BRAF: variants seen among roughly 807,000 people sequenced by gnomAD.
BRAF encodes serine/threonine-protein kinase B-raf.
In BRAF, 16 loss-of-function variants were observed where a neutral mutation model predicts 104.6. The ratio of observed to expected loss-of-function variants is 0.15; its 90% CI spans 0.10 to 0.23. BRAF has a LOEUF of 0.23. BRAF is among the 10% of genes least tolerant of loss of function. BRAF has a pLI of 1.00. For synonymous variants in BRAF, 310 were observed against 341.6 expected (o/e 0.91, Z 1.02); for missense variants, 541 against 937.3 (o/e 0.58, Z 5.52).
At chr7:140,727,443 C>CA (rs889572691) in intron 19 of BRAF, among the ~76,000 whole-genome samples, 2 of 152,118 alleles carry the variant, frequency 1.3e-5, no homozygotes, top group African/African-American at 2.4e-5. Context: ...CTCGGCCTCC[C>CA]AAAGTGCTGG....
intron 17 of BRAF, chr7:140,740,266 T>G: frequency 4.3e-6 from 1 of 232,328 alleles, no homozygotes; most frequent in Non-Finnish European, 8.4e-6. Context: ...GTGCCTCTTC[T>G]TTACTTTAAA....
intron 2 of BRAF, among the ~76,000 whole-genome samples, chr7:140,845,393 G>A (rs1019727984): frequency 1.3e-5 from 2 of 152,014 alleles, no homozygotes; most frequent in African/African-American, 4.8e-5. Flanking sequence ...TATAAGCAGA[G>A]TAAAAAGGGA....
Position 140,783,135 on chromosome 7 carries a change from A to T in BRAF, c.1320T>A (p.Ala440=), listed in dbSNP as rs1801040619. The change falls in exon 11 of 20, where the codon GCT becomes GCA. Residue 440 remains alanine (A), a synonymous_variant. Transcript: ENST00000644969. Reference sequence around the variant, plus strand: ...AGCCAGGTAATGAGGCAGGGGGGGTAGCAGACAAACCTGTGGTTGATCCTA... The same window carrying T: ...AGCCAGGTAATGAGGCAGGGGGGGTTGCAGACAAACCTGTGGTTGATCCTA... ...VFRGSTTGLS[A]TPPASLPGSL... is the part of the protein sequence containing the mutation. The T allele has an allele frequency of 6.2e-7, 1 of 1,614,102 alleles. No individual in the cohort carries two copies. Among genetic ancestry groups the T allele is most frequent in the Non-Finnish European group, 8.5e-7 (1 of 1,179,994 alleles).
intron 2 of BRAF, among the ~76,000 whole-genome samples, chr7:140,844,120 C>A (rs542458411): frequency 3.9e-5 from 6 of 152,224 alleles, no homozygotes; most frequent in African/African-American, 1.4e-4. Flanking sequence ...CAGCAAGAGC[C>A]ACATGCATAT....
intron 7 of BRAF, among the ~76,000 whole-genome samples, chr7:140,798,559 C>CT (rs1033928919): frequency 0.018 from 2,242 of 125,308 alleles, 26 homozygotes; most frequent in African/African-American, 0.022. Flanking sequence ...CGCGCCCGGC[C>CT]TTTTTTTTTT....
At position 140,800,420 on chromosome 7, in the gene BRAF, C is replaced by T. The variant is rs781001327; in HGVS notation, c.922G>A (p.Ala308Thr). 6.2e-7 allele frequency: 1 copy of T among 1,614,144 alleles called. No individual in the cohort carries two copies. Among genetic ancestry groups the T allele is most frequent in the Admixed American group, 1.7e-5 (1 of 60,014 alleles). Reference protein sequence around the residue: ...HPIPQEEASLAETALTSGSSP... With the variant: ...HPIPQEEASLTETALTSGSSP... ...GATCCAGATGTTAGGGCAGTCTCTG[C>T]TAAGGACGCCTCTTCCTGTGGTATT... The change falls in exon 7 of 20, where the codon GCA (alanine) becomes ACA (threonine). Residue 308 changes from alanine (A) to threonine (T), a missense_variant. Ala to Thr is a moderately conservative substitution (Grantham distance 58). Around this residue, in one of 10 missense-constraint regions of BRAF, gnomAD observed 79 missense variants for 74.6 expected, o/e 1.06. Coordinates refer to ENST00000644969, the MANE Select transcript of BRAF (RefSeq NM_001374258.1).
chr7:140,781,726 C>A (rs1391470939), intron 11 of BRAF, 33 bp from the exon 11 acceptor site: 1 of 1,564,864 alleles, frequency 6.4e-7, no homozygotes. Flanking sequence ...TCAAGTCAAG[C>A]CAAACAGAAA....
chr7:140,755,950 A>G (rs1284361564), intron 14 of BRAF, among the ~76,000 whole-genome samples: 1 of 152,158 alleles, frequency 6.6e-6, no homozygotes, highest in Non-Finnish European at 1.5e-5. Context: ...GGCTTCAACC[A>G]TATCAAAATA....
chr7:140,758,512 T>C (rs1305550473), intron 14 of BRAF, among the ~76,000 whole-genome samples: 1 of 151,970 alleles, frequency 6.6e-6, no homozygotes, highest in Admixed American at 6.6e-5. Flanking sequence ...TGGAGTACAG[T>C]GGCATGATCA....
At chr7:140,863,103 C>A (rs1434038844) in intron 1 of BRAF, among the ~76,000 whole-genome samples, 2 of 152,008 alleles carry the variant, frequency 1.3e-5, no homozygotes, top group Non-Finnish European at 2.9e-5. Context: ...AAGAATTTTA[C>A]CAATCTCTCA....
intron 1 of BRAF, among the ~76,000 whole-genome samples, chr7:140,909,964 T>A (rs1816792037): frequency 6.6e-6 from 1 of 152,178 alleles, no homozygotes; most frequent in African/African-American, 2.4e-5. Context: ...ATGTGGTGAT[T>A]TGGAACAATT....
At chr7:140,819,127 G>T (rs1007831111) in intron 3 of BRAF, among the ~76,000 whole-genome samples, 9 of 151,984 alleles carry the variant, frequency 5.9e-5, no homozygotes, top group Non-Finnish European at 1.3e-4. Context: ...TTTTCTGTCC[G>T]ATTTCTATTA....
At chr7:140,830,731 T>C (rs1367168372) in intron 3 of BRAF, among the ~76,000 whole-genome samples, 1 of 152,162 alleles carries the variant, frequency 6.6e-6, no homozygotes, top group African/African-American at 2.4e-5. Flanking sequence ...ATCACTGAAA[T>C]GCAATGTTCC....
Position 140,719,732 on chromosome 7 carries a change from A to G in BRAF, c.*6762T>C. The G allele has an allele frequency of 9.4e-7, 1 of 1,062,264 alleles. No homozygotes were observed. The highest frequency in any genetic ancestry group is 1.1e-6 in the Non-Finnish European group (1 of 877,394). 65.8% of individuals were successfully genotyped at this position (1,062,264 alleles called of 1,614,324 possible). A position where few individuals can be genotyped will look rare whatever the true frequency, so the allele number is the denominator to read the frequency against. On this transcript the variant is annotated 3_prime_UTR_variant, in exon 20 of 20. Coordinates refer to ENST00000644969, the MANE Select transcript of BRAF (RefSeq NM_001374258.1). ...TTTATGAATTGAAAAATAAGCTTTA[A>G]AAATAGTTACTCCATTGTAATTTTT...
intron 1 of BRAF, among the ~76,000 whole-genome samples, chr7:140,897,498 T>C (rs529543088): frequency 0.015 from 2,113 of 142,362 alleles, 21 homozygotes; most frequent in African/African-American, 0.028. Flanking sequence ...TTTTTCTTTT[T>C]TTTTTTTTTT....
chr7:140,874,685 C>A (rs2129096939), intron 1 of BRAF, among the ~76,000 whole-genome samples: 1 of 152,194 alleles, frequency 6.6e-6, no homozygotes. Context: ...AGAACCAGGT[C>A]TCCAATTGAT....
chr7:140,788,660 C>T (rs919548399), intron 8 of BRAF, among the ~76,000 whole-genome samples: 2 of 151,978 alleles, frequency 1.3e-5, no homozygotes, highest in Admixed American at 6.6e-5. Context: ...GTGATCTTGG[C>T]TTATTGCAAC....
chr7:140,910,508 A>G (rs1816848398), intron 1 of BRAF, among the ~76,000 whole-genome samples: 2 of 152,114 alleles, frequency 1.3e-5, no homozygotes, highest in Admixed American at 1.3e-4. Flanking sequence ...CAATTCCAAT[A>G]TATTAATTTA....
At chr7:140,859,238 A>G (rs1445653668) in intron 1 of BRAF, among the ~76,000 whole-genome samples, 3 of 152,208 alleles carry the variant, frequency 2.0e-5, no homozygotes, top group Admixed American at 2.0e-4. Flanking sequence ...TAGCTTATCA[A>G]AAAGTTGGCT....
Sources: gnomAD v4.1 joint callset for allele counts (sites outside exome capture counted in the v4.1 genomes callset) on GRCh38, gnomAD v4.1.1 for gene constraint, gnomAD v4.1.1 regional missense constraint, MANE v1.5 for transcripts, NCBI Gene and HGNC (gene_info 2026-07-23, HGNC 2026-07-21) for gene names.